Variants in IL1RL2 observed in about 807,000 individuals in gnomAD.
The protein encoded by IL1RL2 is interleukin 1 receptor like 2.
Under a neutral mutation model 66.8 loss-of-function variants are expected in IL1RL2, and 68 were observed. The observed-to-expected ratio is 1.02, with a 90% confidence interval of 0.84 to 1.25. The LOEUF (loss-of-function observed/expected upper bound fraction) is 1.25. Among genes scored for constraint, IL1RL2 ranks in the 50% most tolerant of loss-of-function variants. IL1RL2 has a pLI of 0.00. For synonymous variants in IL1RL2, 305 were observed against 264.6 expected (o/e 1.15, Z -1.48); for missense variants, 729 against 709.3 (o/e 1.03, Z -0.32).
Position 102,233,130 on chromosome 2 carries a change from T to C in IL1RL2, c.1297+6T>C. On this transcript the variant is annotated splice_donor_region_variant and intron_variant, in intron 10 of 11. Transcript: ENST00000264257. The stretch of plus-strand genomic sequence containing the variant: ...AGATGAATTCCCTGGACAAGGTGGG[T>C]TTTAAGTGAGGTGTAAAAATAACAA... The C allele has an allele frequency of 7.5e-6, 12 of 1,603,974 alleles. No homozygotes were observed. The highest frequency in any genetic ancestry group is 1.0e-5 in the Non-Finnish European group (12 of 1,172,212).
At chr2:102,240,816 T>C (rs1675210525), downstream of IL1RL2, among the ~76,000 whole-genome samples, 1 of 152,254 alleles carries the variant, frequency 6.6e-6, no homozygotes, top group Non-Finnish European at 1.5e-5. Context: ...GACCACAGGA[T>C]AGTAGAAGTG....
chr2:102,237,097 C>T (rs1383900314), intron 11 of IL1RL2, among the ~76,000 whole-genome samples: 4 of 152,134 alleles, frequency 2.6e-5, no homozygotes, highest in Non-Finnish European at 5.9e-5. Context: ...TTCTAAAATT[C>T]ACAGGCACAC....
chr2:102,187,806 G>A (rs371745008), intron 1 of IL1RL2, 50 bp from the exon 2 acceptor site: 964 of 1,504,306 alleles, frequency 6.4e-4, no homozygotes, highest in Non-Finnish European at 8.0e-4. Context: ...GGCGCCTCGG[G>A]CCCGCCCTAC....
chr2:102,235,283 C>T lies in IL1RL2; in HGVS notation c.1678+6C>T, dbSNP rs200747433. On this transcript the variant is annotated splice_donor_region_variant and intron_variant, in intron 11 of 11. Coordinates refer to ENST00000264257, the MANE Select transcript of IL1RL2 (RefSeq NM_003854.4). ...ACCTTGCTACCGCACCGCAGGTGAG[C>T]GGGTGGGAGGACACGAGGTTTGTCA... is the stretch of plus-strand genomic sequence containing the variant. 3.9e-5 allele frequency: 63 copies of T among 1,609,990 alleles called. No individual in the cohort carries two copies. Among genetic ancestry groups the T allele is most frequent in the South Asian group, 1.7e-4 (15 of 90,752 alleles).
rs924305411 is a variant in IL1RL2, at chr2:102,234,975, T to G, written c.1376T>G (p.Phe459Cys). The G allele has an allele frequency of 6.2e-7, 1 of 1,614,074 alleles. No individual in the cohort carries two copies. Among genetic ancestry groups the G allele is most frequent in the Non-Finnish European group, 8.5e-7 (1 of 1,180,048 alleles). Residue 459 changes from phenylalanine to cysteine, a missense_variant, in exon 11 of 12, where the codon TTT (phenylalanine) becomes TGT (cysteine). By Grantham distance (205) the Phe-to-Cys change is radical. Transcript: ENST00000264257. ...ATTGTGGTCCCCGAATCGCTGGGCT[T>G]TGGCCTGTTGAAGAACCTGTCAGAA... ...IVIVVPESLG[F>C]GLLKNLSEEQ... is the part of the protein sequence containing the mutation.
intron 4 of IL1RL2, among the ~76,000 whole-genome samples, chr2:102,200,578 G>A (rs747541790): frequency 3.9e-5 from 6 of 152,194 alleles, no homozygotes; most frequent in Non-Finnish European, 7.3e-5. Context: ...CACAGTGCAG[G>A]CAAACTGCAG....
Position 102,188,006 on chromosome 2 carries a change from C to G in IL1RL2, c.58+81C>G, listed in dbSNP as rs77543467. ...CCTGTCATTGGGAGCCCCCGGGGAT[C>G]GCGTCAGCCCGAGCGCGGCTCCTTC... On this transcript the variant is annotated intron_variant, in intron 2 of 11. Coordinates refer to ENST00000264257, the MANE Select transcript of IL1RL2 (RefSeq NM_003854.4). 2,462 of 1,397,728 alleles carry G rather than the reference C, an allele frequency of 1.8e-3. 63 individuals carry two copies. The East Asian group carries it at 0.049, about 28-fold the overall frequency. The allele number at this position is 1,397,728 out of a possible 1,614,324, so 86.6% of individuals were successfully genotyped here. A position where few individuals can be genotyped will look rare whatever the true frequency, so the allele number is the denominator to read the frequency against.
At chr2:102,203,980 T>C (rs1236468498) in intron 5 of IL1RL2, among the ~76,000 whole-genome samples, 2 of 152,074 alleles carry the variant, frequency 1.3e-5, no homozygotes, top group East Asian at 3.8e-4. Context: ...CATTAGATTG[T>C]TTGTTTGAAG....
Position 102,192,025 on chromosome 2 carries a change from T to A in IL1RL2, c.394T>A (p.Tyr132Asn). 1 of 1,612,808 alleles carries A rather than the reference T, an allele frequency of 6.2e-7. No homozygotes were observed. Among genetic ancestry groups the A allele is most frequent in the African/African-American group, 1.3e-5 (1 of 74,964 alleles). ...TGGTTTACCAAATTTATCAGATGAG[T>A]ACAAGCAAATATTACATCTTGGAAA... ...IGGLPNLSDE[Y>N]KQILHLGKDD... is the part of the protein sequence containing the mutation. The change falls in exon 4 of 12, where the codon TAC (tyrosine) becomes AAC (asparagine). Residue 132 changes from tyrosine (Y) to asparagine (N), a missense_variant. Transcript: ENST00000264257.
At chr2:102,195,613 CTTTCTTTCTTTCTT>C (rs1259288825) in intron 4 of IL1RL2, among the ~76,000 whole-genome samples, 631 of 18,336 alleles carry the variant, frequency 0.034, 17 homozygotes, top group African/African-American at 0.042. Flanking sequence ...TTCTTTCTTT[CTTTCTTTCTTTCTT>C]TCTCTCTCTC....
In IL1RL2 at chr2:102,239,293, T is replaced by C; in HGVS notation, c.*52T>C. 1 of 1,529,934 alleles carries C rather than the reference T, an allele frequency of 6.5e-7. No individual in the cohort carries two copies. Among genetic ancestry groups the C allele is most frequent in the Non-Finnish European group, 9.1e-7 (1 of 1,103,320 alleles). The allele number at this position is 1,529,934 out of a possible 1,614,324, so 94.8% of individuals were successfully genotyped here. A position where few individuals can be genotyped will look rare whatever the true frequency, so the allele number is the denominator to read the frequency against. Reference sequence around the variant, plus strand: ...GGAAGATGACTTGTTTTGCTCCATGTCTCCTCATTCCTACACCTATTTTCT... The same window carrying C: ...GGAAGATGACTTGTTTTGCTCCATGCCTCCTCATTCCTACACCTATTTTCT... On this transcript the variant is annotated 3_prime_UTR_variant, in exon 12 of 12. Transcript: ENST00000264257.
Position 102,208,043 on chromosome 2 carries a change from AT to A in IL1RL2, c.650-4055del, listed in dbSNP as rs556621990. On this transcript the variant is annotated intron_variant, in intron 5 of 11. Transcript: ENST00000264257. ...TCAGCATTGAGTTCAGTGCCTCACA[AT>A]TGTGGTGTCCTTTCTCCTCCAGCAA... Among the ~76,000 whole-genome samples the A allele has an allele frequency of 8.5e-4, 129 of 152,296 alleles. 1 individual carries two copies. Among genetic ancestry groups the A allele is most frequent in the South Asian group, 5.6e-3 (27 of 4,834 alleles).
intron 4 of IL1RL2, among the ~76,000 whole-genome samples, chr2:102,201,256 T>G (rs1688228373): frequency 6.6e-6 from 1 of 152,152 alleles, no homozygotes; most frequent in African/African-American, 2.4e-5. Flanking sequence ...ACTTATTGTT[T>G]GTATCATTCA....
At chr2:102,195,618 T>TTTCTTTCTTTCTTTCC (rs1559530175) in intron 4 of IL1RL2, among the ~76,000 whole-genome samples, 18 of 16,394 alleles carry the variant, frequency 1.1e-3, no homozygotes, top group African/African-American at 2.9e-3. Flanking sequence ...TCTTTCTTTC[T>TTTCTTTCTTTCTTTCC]TTCTTTCTTT....
At chr2:102,187,797 G>A in intron 1 of IL1RL2, 59 bp from the exon 2 acceptor site, 1 of 1,443,838 alleles carries the variant, frequency 6.9e-7, no homozygotes, top group South Asian at 1.1e-5. Context: ...GCCCACGCCG[G>A]CGCCTCGGGC....
At chr2:102,210,419 G>C (rs961906745) in intron 5 of IL1RL2, among the ~76,000 whole-genome samples, 4 of 152,156 alleles carry the variant, frequency 2.6e-5, no homozygotes, top group Non-Finnish European at 5.9e-5. Context: ...CAGGAGAGTA[G>C]CATGAGTTGA....
chr2:102,239,097 G>A, intron 11 of IL1RL2, 95 bp from the exon 12 acceptor site: 1 of 1,063,224 alleles, frequency 9.4e-7, no homozygotes, highest in East Asian at 2.4e-5. Flanking sequence ...CTGACGGCAA[G>A]GTGGAGGTTT....
intron 5 of IL1RL2, among the ~76,000 whole-genome samples, chr2:102,206,728 C>T (rs6713939): frequency 0.039 from 5,951 of 152,280 alleles, 296 homozygotes; most frequent in African/African-American, 0.11. Flanking sequence ...TTACCCACTC[C>T]CTGGCTACTG....
At chr2:102,238,482 C>T (rs537682841) in intron 11 of IL1RL2, among the ~76,000 whole-genome samples, 1 of 152,296 alleles carries the variant, frequency 6.6e-6, no homozygotes, top group South Asian at 2.1e-4. Flanking sequence ...GAGCCTCAGT[C>T]CCCAGGGCCC....
Sources: gnomAD v4.1 joint callset for allele counts (sites outside exome capture counted in the v4.1 genomes callset) on GRCh38, gnomAD v4.1.1 for gene constraint, MANE v1.5 for transcripts, NCBI Gene and HGNC (gene_info 2026-07-23, HGNC 2026-07-21) for gene names.